UPF1: variants seen among roughly 807,000 people sequenced by gnomAD.
UPF1 encodes UPF1 RNA helicase and ATPase, also known as regulator of nonsense transcripts 1.
In UPF1, 9 loss-of-function variants were observed where a neutral mutation model predicts 129.2. The observed-to-expected ratio is 0.07, with a 90% CI of 0.04 to 0.12. The LOEUF (loss-of-function observed/expected upper bound fraction) is 0.12. UPF1 is among the 10% of genes least tolerant of loss of function. UPF1 has a pLI of 1.00. For missense variants in UPF1, 788 were observed against 1,525.3 expected (o/e 0.52, Z 8.05); for synonymous variants, 649 against 644.9 (o/e 1.01, Z -0.10).
At chr19:18,863,016 C>T (rs1366358366) in intron 18 of UPF1, 11 of 163,050 alleles carry the variant, frequency 6.7e-5, no homozygotes, top group African/African-American at 1.9e-4. Flanking sequence ...CTTTCTAAGG[C>T]GCCCTCTTGT....
At chr19:18,844,576 GC>G (rs2055578749) in intron 1 of UPF1, among the ~76,000 whole-genome samples, 1 of 151,474 alleles carries the variant, frequency 6.6e-6, no homozygotes, top group African/African-American at 2.4e-5. Context: ...CAGGTGATCC[GC>G]CCTGCCGAGG....
intron 10 of UPF1, 32 bp downstream of exon 10, chr19:18,855,070 C>T: frequency 6.2e-7 from 1 of 1,613,024 alleles, no homozygotes; most frequent in East Asian, 2.2e-5. Flanking sequence ...CGGGGCCTCG[C>T]CCATGGGCCG....
rs1260079855 is a variant in UPF1 at position 18,860,360 on chromosome 19, A to G, written c.2222A>G (p.Gln741Arg). 2 of 1,613,992 alleles carry G rather than the reference A, an allele frequency of 1.2e-6. No homozygotes were observed. Among genetic ancestry groups the G allele is most frequent in the Admixed American group, 3.3e-5 (2 of 60,000 alleles). ...AAGGGATTTGACTTCCAGTGGCCCC[A>G]ACCCGATAAACCGATGTTCTTCTAC... The part of the protein sequence containing the change: ...VKKGFDFQWP[Q>R]PDKPMFFYVT... The change falls in exon 16 of 24, where the codon CAA becomes CGA. Residue 741 changes from glutamine to arginine, a missense_variant. Coordinates refer to ENST00000262803, the MANE Select transcript of UPF1 (RefSeq NM_002911.4).
chr19:18,855,457 A>G lies in UPF1; in HGVS notation c.1544+215A>G, dbSNP rs537379101. 35 of 625,668 alleles carry G rather than the reference A, an allele frequency of 5.6e-5. No homozygotes were observed. The African/African-American group carries it at 6.4e-4, about 12-fold the overall frequency. The allele number at this position is 625,668 out of a possible 1,614,324, so 38.8% of individuals were successfully genotyped here. On this transcript the variant is annotated intron_variant, in intron 11 of 23. Coordinates refer to ENST00000262803, the MANE Select transcript of UPF1 (RefSeq NM_002911.4). ...GTAACCAGGTCTGCTACTGGTTTAGAAAACTGGGGGCAGGGGGGGCATGGC... is the reference window on the plus strand; with the variant it reads ...GTAACCAGGTCTGCTACTGGTTTAGGAAACTGGGGGCAGGGGGGGCATGGC...
chr19:18,861,680 T>A (rs973322616), intron 17 of UPF1, among the ~76,000 whole-genome samples: 2 of 151,462 alleles, frequency 1.3e-5, no homozygotes, highest in Non-Finnish European at 2.9e-5. Flanking sequence ...CAAAAAAAAA[T>A]AATAACTGGG....
intron 6 of UPF1, among the ~76,000 whole-genome samples, 192 bp from the exon 7 acceptor site, chr19:18,852,795 C>G (rs1223251994): frequency 1.3e-5 from 2 of 152,048 alleles, no homozygotes; most frequent in Non-Finnish European, 2.9e-5. Context: ...TGTGTGTGTT[C>G]CGGGGACTCC....
At chr19:18,858,044 A>G (rs1351111695) in intron 15 of UPF1, among the ~76,000 whole-genome samples, 2 of 152,214 alleles carry the variant, frequency 1.3e-5, no homozygotes, top group Non-Finnish European at 2.9e-5. Context: ...TGCCCGGATC[A>G]CAGTAAGAAA....
intron 1 of UPF1, among the ~76,000 whole-genome samples, chr19:18,834,828 TTAA>T (rs2055466815): frequency 6.6e-6 from 1 of 152,180 alleles, no homozygotes; most frequent in African/African-American, 2.4e-5. Flanking sequence ...TAACCAGCTG[TTAA>T]GTTGGGGGCT....
chr19:18,844,584 G>A lies in UPF1; in HGVS notation c.232-1396G>A, dbSNP rs537465787. Among the ~76,000 whole-genome samples, 93 of 151,836 alleles carry A rather than the reference G, an allele frequency of 6.1e-4. 2 individuals are homozygous for A. Among genetic ancestry groups the A allele is most frequent in the African/African-American group, 1.9e-3 (77 of 41,382 alleles). On this transcript the variant is annotated intron_variant, in intron 1 of 23. Transcript: ENST00000262803. ...CTGACCTCAGGTGATCCGCCCTGCC[G>A]AGGAGCTGCTTCTTGGTGAATGCCT...
At chr19:18,847,915 G>A (rs2055617780) in intron 3 of UPF1, 82 bp downstream of exon 3, 1 of 1,478,124 alleles carries the variant, frequency 6.8e-7, no homozygotes. Flanking sequence ...TTGAAGCAAA[G>A]CGTAATATAA....
chr19:18,855,486 A>G (rs1601118157), intron 11 of UPF1: 2 of 588,046 alleles, frequency 3.4e-6, no homozygotes, highest in East Asian at 5.8e-5. Context: ...GCATGGCTGC[A>G]GCAGCGTGAG....
intron 1 of UPF1, among the ~76,000 whole-genome samples, chr19:18,834,754 G>A (rs1233092123): frequency 6.6e-6 from 1 of 152,184 alleles, no homozygotes; most frequent in Non-Finnish European, 1.5e-5. Flanking sequence ...TGTGTGAATT[G>A]AAGGCAGTGT....
Position 18,850,588 on chromosome 19 carries a change from C to T in UPF1, c.630-100C>T. On this transcript the variant is annotated intron_variant, in intron 4 of 23. Transcript: ENST00000262803. This position sits in a 1 kb window ranked among gnomAD's most constrained non-coding sequence, Gnocchi z 7.1. Reference sequence around the variant, plus strand: ...TGTGATCACATAATAAAATGCAGGGCATGCCCCTTTGGGTGAAAGGTCAGC... The same window carrying T: ...TGTGATCACATAATAAAATGCAGGGTATGCCCCTTTGGGTGAAAGGTCAGC... 7.5e-7 allele frequency: 1 copy of T among 1,331,646 alleles called. No homozygotes were observed. Among genetic ancestry groups the T allele is most frequent in the Middle Eastern group, 2.8e-4 (1 of 3,634 alleles). The allele number at this position is 1,331,646 out of a possible 1,614,324, so 82.5% of individuals were successfully genotyped here.
chr19:18,845,455 G>A (rs1229697723), intron 1 of UPF1, among the ~76,000 whole-genome samples: 1 of 152,164 alleles, frequency 6.6e-6, no homozygotes. Context: ...GGTTGCCAAG[G>A]GTATCTCAGT....
Position 18,851,206 on chromosome 19 carries a change from G to A in UPF1, c.810+338G>A. 5.0e-6 allele frequency: 1 copy of A among 201,144 alleles called. No individual in the cohort carries two copies. Among genetic ancestry groups the A allele is most frequent in the Non-Finnish European group, 1.0e-5 (1 of 98,716 alleles). 12.5% of individuals were successfully genotyped at this position (201,144 alleles called of 1,614,324 possible). A position where few individuals can be genotyped will look rare whatever the true frequency, so the allele number is the denominator to read the frequency against. ...GTCCTGCAGAGCCTGAACCTGCCCA[G>A]ACAGGTGGGCTGCGAGAATGTCCTG... On this transcript the variant is annotated intron_variant, in intron 5 of 23. Transcript: ENST00000262803. This position sits in a 1 kb window ranked among gnomAD's most constrained non-coding sequence, Gnocchi z 4.2.
chr19:18,858,127 T>C (rs1285950362), intron 15 of UPF1, among the ~76,000 whole-genome samples: 4 of 152,160 alleles, frequency 2.6e-5, no homozygotes, highest in African/African-American at 9.7e-5. Flanking sequence ...ATAAAATTTC[T>C]CGTGACACCT....
chr19:18,842,858 A>T (rs3787048), intron 1 of UPF1, among the ~76,000 whole-genome samples: 47,325 of 151,658 alleles, frequency 0.31, 9,092 homozygotes, highest in Middle Eastern at 0.49. Context: ...GTGGTGGCGC[A>T]TGCCTGTAAT....
chr19:18,850,620 G>C lies in UPF1; in HGVS notation c.630-68G>C. 1 of 1,475,040 alleles carries C rather than the reference G, an allele frequency of 6.8e-7. No homozygotes were observed. Among genetic ancestry groups the C allele is most frequent in the South Asian group, 1.4e-5 (1 of 71,986 alleles). The allele number at this position is 1,475,040 out of a possible 1,614,324, so 91.4% of individuals were successfully genotyped here. On this transcript the variant is annotated intron_variant, in intron 4 of 23. Coordinates refer to ENST00000262803, the MANE Select transcript of UPF1 (RefSeq NM_002911.4). The surrounding 1 kb of genome is among the most constrained non-coding windows in gnomAD (Gnocchi z 7.1). ...CTTTGGGTGAAAGGTCAGCATGGGA[G>C]GGGGCCCTCCCTGCTCCGGGGCTTC... is the stretch of plus-strand genomic sequence containing the variant.
intron 1 of UPF1, among the ~76,000 whole-genome samples, chr19:18,844,924 G>T (rs1386985360): frequency 6.6e-6 from 1 of 152,280 alleles, no homozygotes; most frequent in Non-Finnish European, 1.5e-5. Context: ...GTTGTGACCA[G>T]ATCACTGCAG....
Sources: allele counts gnomAD v4.1 joint callset (sites outside exome capture counted in the v4.1 genomes callset), GRCh38; gene constraint gnomAD v4.1.1; non-coding constraint Gnocchi (gnomAD v3.1); transcripts MANE v1.5; gene names NCBI Gene and HGNC (gene_info 2026-07-23, HGNC 2026-07-21).